Variants in MTUS2 observed in about 807,000 individuals in gnomAD.
MTUS2 encodes microtubule-associated tumor suppressor candidate 2.
Under a neutral mutation model 114.1 loss-of-function variants are expected in MTUS2, and 40 were observed. The observed-to-expected ratio is 0.35, with a 90% CI of 0.27 to 0.46. The LOEUF is 0.46. Ranked by LOEUF, MTUS2 falls within the 20% of genes least tolerant of loss-of-function variation. MTUS2 has a pLI of 1.00. For synonymous variants in MTUS2, 688 were observed against 672.0 expected, an observed-to-expected ratio of 1.02 and a Z score of -0.37; for missense variants, 1,679 against 1,705.4, an observed-to-expected ratio of 0.98 and a Z score of 0.27.
chr13:29,213,411 T>C (rs1300931381), intron 5 of MTUS2, among the ~76,000 whole-genome samples: 1 of 152,236 alleles, frequency 6.6e-6, no homozygotes, highest in Admixed American at 6.5e-5. Context: ...TCTCTCTATA[T>C]GTTCTTTCAG....
At chr13:29,116,400 G>A (rs11842152) in intron 5 of MTUS2, among the ~76,000 whole-genome samples, 4,537 of 152,128 alleles carry the variant, frequency 0.03, 227 homozygotes, top group African/African-American at 0.1. Context: ...CTTATATCAG[G>A]GGACTTAGTC....
chr13:28,898,866 A>C (rs892005147), intron 2 of MTUS2, among the ~76,000 whole-genome samples: 1 of 152,166 alleles, frequency 6.6e-6, no homozygotes, highest in East Asian at 1.9e-4. Context: ...CTTTAGTTAA[A>C]TGTGTGATTG....
At chr13:29,375,304 G>GAGAGA (rs1268629010) in intron 8 of MTUS2, among the ~76,000 whole-genome samples, 1 of 151,170 alleles carries the variant, frequency 6.6e-6, no homozygotes, top group Non-Finnish European at 1.5e-5. Flanking sequence ...AGGAGTTCCA[G>GAGAGA]AGAGAAGAAA....
At chr13:29,251,021 G>T (rs938349053) in intron 5 of MTUS2, among the ~76,000 whole-genome samples, 3 of 152,148 alleles carry the variant, frequency 2.0e-5, no homozygotes, top group Admixed American at 6.5e-5. Context: ...TGATTCTCTT[G>T]CTCCACATGA....
chr13:29,246,407 G>T (rs573515089), intron 5 of MTUS2, among the ~76,000 whole-genome samples: 5 of 152,208 alleles, frequency 3.3e-5, no homozygotes, highest in African/African-American at 1.2e-4. Context: ...CCTCTCCCCG[G>T]ATCTCCTGTT....
chr13:29,145,333 G>A (rs1483126960), intron 5 of MTUS2, among the ~76,000 whole-genome samples: 2 of 151,950 alleles, frequency 1.3e-5, no homozygotes, highest in Non-Finnish European at 1.5e-5. Flanking sequence ...CAGCCTGGCC[G>A]GGATGGTGAA....
intron 1 of MTUS2, among the ~76,000 whole-genome samples, chr13:28,838,574 C>T (rs1390057693): frequency 6.6e-6 from 1 of 152,194 alleles, no homozygotes; most frequent in Non-Finnish European, 1.5e-5. Flanking sequence ...CCCTCTGCAT[C>T]TTATTCCTGC....
At chr13:29,112,186 G>A (rs994899524) in intron 5 of MTUS2, among the ~76,000 whole-genome samples, 1 of 152,214 alleles carries the variant, frequency 6.6e-6, no homozygotes, top group African/African-American at 2.4e-5. Context: ...GGGAGTGCAT[G>A]CAGAATGAAA....
At chr13:29,121,983 C>T (rs918372020) in intron 5 of MTUS2, among the ~76,000 whole-genome samples, 1 of 152,136 alleles carries the variant, frequency 6.6e-6, no homozygotes, top group Non-Finnish European at 1.5e-5. Context: ...CTAAAAACCT[C>T]ACTTCTCGCT....
chr13:29,233,464 T>C (rs1896416244), intron 5 of MTUS2, among the ~76,000 whole-genome samples: 1 of 152,184 alleles, frequency 6.6e-6, no homozygotes, highest in Non-Finnish European at 1.5e-5. Context: ...ACATTCATGA[T>C]TGATGTCATT....
chr13:29,460,775 G>A (rs1879427350), intron 9 of MTUS2, among the ~76,000 whole-genome samples: 1 of 151,960 alleles, frequency 6.6e-6, no homozygotes, highest in African/African-American at 2.4e-5. Flanking sequence ...CTTCTTTACA[G>A]TTACTCAACT....
chr13:29,201,186 G>T (rs546991329), intron 5 of MTUS2, among the ~76,000 whole-genome samples: 26 of 152,170 alleles, frequency 1.7e-4, no homozygotes, highest in Middle Eastern at 3.4e-3. Context: ...TATGAATCTG[G>T]GTGCTCCTGT....
intron 2 of MTUS2, among the ~76,000 whole-genome samples, chr13:29,007,151 A>G (rs1885636597): frequency 6.6e-6 from 1 of 152,226 alleles, no homozygotes; most frequent in African/African-American, 2.4e-5. Context: ...ATGGGTTTGT[A>G]GCTTTAATCC....
intron 4 of MTUS2, among the ~76,000 whole-genome samples, chr13:29,048,417 T>G (rs943672322): frequency 3.3e-5 from 5 of 152,232 alleles, no homozygotes; most frequent in African/African-American, 1.2e-4. Context: ...CAGAGGATGT[T>G]TTTTTAGATG....
intron 5 of MTUS2, among the ~76,000 whole-genome samples, chr13:29,194,073 C>T (rs1894565209): frequency 6.6e-6 from 1 of 150,908 alleles, no homozygotes; most frequent in African/African-American, 2.4e-5. Flanking sequence ...CCCTTCCTTA[C>T]ACCTTATACA....
chr13:29,392,155 A>C (rs1663866273), intron 8 of MTUS2, among the ~76,000 whole-genome samples: 1 of 151,486 alleles, frequency 6.6e-6, no homozygotes, highest in African/African-American at 2.4e-5. Flanking sequence ...CCAAAAAAAA[A>C]AAAACCAAAA....
At chr13:28,909,160 C>T (rs574261212) in intron 2 of MTUS2, among the ~76,000 whole-genome samples, 1 of 151,484 alleles carries the variant, frequency 6.6e-6, no homozygotes, top group Non-Finnish European at 1.5e-5. Flanking sequence ...TTAGGATTGA[C>T]TTGGCGATGC....
chr13:28,890,225 T>G (rs1460116150), intron 2 of MTUS2, among the ~76,000 whole-genome samples: 1 of 152,210 alleles, frequency 6.6e-6, no homozygotes, highest in Non-Finnish European at 1.5e-5. Context: ...TAGACAAGTA[T>G]GTTTCAAACA....
At chr13:28,820,923 G>T (rs1039205409) in intron 1 of MTUS2, among the ~76,000 whole-genome samples, 3 of 152,158 alleles carry the variant, frequency 2.0e-5, no homozygotes, top group African/African-American at 7.2e-5. Flanking sequence ...AATTTGGTCT[G>T]AGTCTTCGTC....
Sources: allele counts gnomAD v4.1 joint callset (sites outside exome capture counted in the v4.1 genomes callset), GRCh38; gene constraint gnomAD v4.1.1; transcripts MANE v1.5; gene names NCBI Gene and HGNC (gene_info 2026-07-23, HGNC 2026-07-21).